GNPTAB: variants seen among roughly 807,000 people sequenced by gnomAD.
GNPTAB encodes the protein N-acetylglucosamine-1-phosphate transferase subunits alpha and beta, also known as N-acetylglucosamine-1-phosphotransferase subunits alpha/beta.
GNPTAB carries 92 observed loss-of-function variants against 136.6 expected under a neutral mutation model. The observed-to-expected ratio is 0.67, with a 90% confidence interval of 0.57 to 0.80. The LOEUF is 0.80. GNPTAB is among the 30% of genes least tolerant of loss of function. GNPTAB has a pLI of 0.00. For synonymous variants in GNPTAB, 512 were observed against 535.1 expected, an observed-to-expected ratio of 0.96 and a Z score of 0.60; for missense variants, 1,343 against 1,501.8, an observed-to-expected ratio of 0.89 and a Z score of 1.75.
At chr12:101,802,283 A>G (rs1869686689) in intron 1 of GNPTAB, among the ~76,000 whole-genome samples, 1 of 152,098 alleles carries the variant, frequency 6.6e-6, no homozygotes, top group African/African-American at 2.4e-5. Context: ...CTTATTGACA[A>G]TTCCTCTAGA....
chr12:101,766,220 A>G lies in GNPTAB; in HGVS notation c.1483T>C (p.Phe495Leu). 6.2e-7 allele frequency: 1 copy of G among 1,613,902 alleles called. No homozygotes were observed. The highest frequency in any genetic ancestry group is 8.5e-7 in the Non-Finnish European group (1 of 1,179,894). The change falls in exon 12 of 21, where the codon TTT becomes CTT. Residue 495 changes from phenylalanine to leucine, a missense_variant. Physicochemically the swap from Phe to Leu is conservative, Grantham distance 22. Transcript: ENST00000299314. Reference sequence around the variant, plus strand: ...GAGACACTGTTTATTCCTCCACCAAACTGCCAGGGCTGTCCAACTCCAATA... The same window carrying G: ...GAGACACTGTTTATTCCTCCACCAAGCTGCCAGGGCTGTCCAACTCCAATA... ...GSIGVGQPWQ[F>L]GGGINSVSYC...
intron 4 of GNPTAB, among the ~76,000 whole-genome samples, chr12:101,788,255 G>A (rs1195342263): frequency 1.3e-5 from 2 of 152,188 alleles, no homozygotes; most frequent in Admixed American, 1.3e-4. Context: ...AAGATACAGT[G>A]TAAGTGGACC....
At position 101,762,362 on chromosome 12, in the gene GNPTAB, T is replaced by G. The variant is rs1184496697; in HGVS notation, c.2716-599A>C. ...ATGTAAGGAGACTGATATTAACTGG[T>G]GTTGGTTAGACTGCAGTGAAACAAG... On this transcript the variant is annotated intron_variant, in intron 13 of 20. Transcript: ENST00000299314. Among the ~76,000 whole-genome samples, 3 of 152,226 alleles carry G rather than the reference T, an allele frequency of 2.0e-5. No individual in the cohort carries two copies. The East Asian group carries it at 5.8e-4, about 29-fold the overall frequency.
At chr12:101,825,970 C>T (rs926008764) in intron 1 of GNPTAB, among the ~76,000 whole-genome samples, 2 of 152,182 alleles carry the variant, frequency 1.3e-5, no homozygotes, top group African/African-American at 4.8e-5. Flanking sequence ...TCAGGCCAGG[C>T]CTCTTTCTAA....
chr12:101,765,318 C>G lies in GNPTAB; in HGVS notation c.1613-14G>C, dbSNP rs1953073872. 6.4e-7 allele frequency: 1 copy of G among 1,555,794 alleles called. No individual in the cohort carries two copies. Among genetic ancestry groups the G allele is most frequent in the Non-Finnish European group, 8.9e-7 (1 of 1,127,870 alleles). ...CATGAAAATGATCTAGAGGAAAAAA[C>G]AGAAACATGATTTTTTTTTTAACTG... On this transcript the variant is annotated splice_polypyrimidine_tract_variant and intron_variant, in intron 12 of 20. Transcript: ENST00000299314.
intron 13 of GNPTAB, among the ~76,000 whole-genome samples, chr12:101,762,173 T>G (rs1953007604): frequency 6.6e-6 from 1 of 152,240 alleles, no homozygotes; most frequent in South Asian, 2.1e-4. Flanking sequence ...GTCCTTGAGT[T>G]TTAAGCGCAA....
chr12:101,816,816 T>C (rs998251124), intron 1 of GNPTAB, among the ~76,000 whole-genome samples: 1 of 152,182 alleles, frequency 6.6e-6, no homozygotes, highest in African/African-American at 2.4e-5. Context: ...AATGGATGAA[T>C]GGATAAAGAA....
chr12:101,785,360 G>A (rs1045358126), intron 5 of GNPTAB, among the ~76,000 whole-genome samples: 3 of 152,302 alleles, frequency 2.0e-5, no homozygotes, highest in Admixed American at 6.5e-5. Flanking sequence ...ATACCACCAT[G>A]TCCAGCTGTG....
rs768421178 is a variant in GNPTAB at position 101,772,796 on chromosome 12, C to T, written c.772-1639G>A. Reference sequence around the variant, plus strand: ...TCCCTGGAGAGAAAAAGTCACTATTCTAGAACAATTTATTTACTTATTTTT... The same window carrying T: ...TCCCTGGAGAGAAAAAGTCACTATTTTAGAACAATTTATTTACTTATTTTT... On this transcript the variant is annotated intron_variant, in intron 7 of 20. Transcript: ENST00000299314. Among the ~76,000 whole-genome samples, 7 of 152,194 alleles carry T rather than the reference C, an allele frequency of 4.6e-5. No homozygotes were observed. The East Asian group carries it at 9.6e-4, about 21-fold the overall frequency.
Position 101,764,255 on chromosome 12 carries a change from A to T in GNPTAB, c.2662T>A (p.Tyr888Asn). The change falls in exon 13 of 21, where the codon TAC becomes AAC. Residue 888 changes from tyrosine to asparagine, a missense_variant. Transcript: ENST00000299314. Reference protein sequence around the residue: ...GRKLQHYTDSYLGFLPWEKKK... With the variant: ...GRKLQHYTDSNLGFLPWEKKK... ...TTCTCCCATGGCAAAAAGCCCAAGTAACTATCTGTGTAATGCTGCAGCTTT... is the reference window on the plus strand; with the variant it reads ...TTCTCCCATGGCAAAAAGCCCAAGTTACTATCTGTGTAATGCTGCAGCTTT... The T allele has an allele frequency of 6.2e-7, 1 of 1,614,126 alleles. No homozygotes were observed. The highest frequency in any genetic ancestry group is 8.5e-7 in the Non-Finnish European group (1 of 1,179,984).
rs1268317644 is a variant in GNPTAB at position 101,761,646 on chromosome 12, T to C, written c.2833A>G (p.Lys945Glu). The C allele has an allele frequency of 2.5e-6, 4 of 1,614,030 alleles. No homozygotes were observed. The highest frequency in any genetic ancestry group is 2.7e-5 in the African/African-American group (2 of 74,942). Residue 945 changes from lysine to glutamate, a missense_variant, in exon 14 of 21, where the codon AAG (lysine) becomes GAG (glutamate). By Grantham distance (56) the Lys-to-Glu change is moderately conservative. Coordinates refer to ENST00000299314, the MANE Select transcript of GNPTAB (RefSeq NM_024312.5). ...ACTTTCCGCGATGTGAATCCAAACTTGCTATTTAGAATTTTATTTACATAT... is the reference window on the plus strand; with the variant it reads ...ACTTTCCGCGATGTGAATCCAAACTCGCTATTTAGAATTTTATTTACATAT... The part of the protein sequence containing the change: ...LRYVNKILNS[K>E]FGFTSRKVPA...
chr12:101,812,510 CTT>C (rs1183626337), intron 1 of GNPTAB, among the ~76,000 whole-genome samples: 1 of 152,150 alleles, frequency 6.6e-6, no homozygotes, highest in African/African-American at 2.4e-5. Context: ...AATCCCAGCA[CTT>C]TCGGAAGCTG....
intron 1 of GNPTAB, among the ~76,000 whole-genome samples, chr12:101,824,114 G>A (rs1163602740): frequency 1.3e-5 from 2 of 152,102 alleles, no homozygotes; most frequent in Non-Finnish European, 2.9e-5. Flanking sequence ...TATTTCTGGA[G>A]ACGATCCCAG....
rs1952850711 is a variant in GNPTAB at position 101,753,380 on chromosome 12, C to G, written c.3594G>C (p.Leu1198=). The G allele has an allele frequency of 6.2e-7, 1 of 1,613,324 alleles. No homozygotes were observed. Among genetic ancestry groups the G allele is most frequent in the South Asian group, 1.1e-5 (1 of 91,068 alleles). ...YRNRFLHMHE[L]QEWRAYRDKL... is the part of the protein sequence containing the mutation. ...AAAACATGAGAATTTACCATTCCTG[C>G]AGCTCATGCATATGAAGGAAACGGT... is the stretch of plus-strand genomic sequence containing the variant. Residue 1198 remains leucine, a synonymous_variant, in exon 19 of 21, where the codon CTG becomes CTC. Coordinates refer to ENST00000299314, the MANE Select transcript of GNPTAB (RefSeq NM_024312.5).
chr12:101,820,887 T>A (rs1456602411), intron 1 of GNPTAB, among the ~76,000 whole-genome samples: 2 of 151,746 alleles, frequency 1.3e-5, no homozygotes, highest in African/African-American at 4.8e-5. Context: ...TGAAACCCCA[T>A]CTCTATTAAA....
intron 1 of GNPTAB, among the ~76,000 whole-genome samples, chr12:101,806,363 A>G (rs1354425317): frequency 6.6e-6 from 1 of 152,226 alleles, no homozygotes; most frequent in African/African-American, 2.4e-5. Context: ...GAACAGGCAA[A>G]TCCATAGAAA....
At chr12:101,789,849 T>A in intron 3 of GNPTAB, 89 bp downstream of exon 3, 1 of 1,269,802 alleles carries the variant, frequency 7.9e-7, no homozygotes, top group Non-Finnish European at 1.1e-6. Flanking sequence ...ATGACTGGGT[T>A]TTCATGCTCA....
rs140677722 is a variant in GNPTAB at position 101,828,871 on chromosome 12, T to C, written c.117+1688A>G. 3.3e-5 allele frequency among the ~76,000 whole-genome samples: 5 copies of C among 152,362 alleles called. No homozygotes were observed. The East Asian group carries it at 9.6e-4, about 29-fold the overall frequency. On this transcript the variant is annotated intron_variant, in intron 1 of 20. Coordinates refer to ENST00000299314, the MANE Select transcript of GNPTAB (RefSeq NM_024312.5). ...TGTGAGGATTAAATCAGTTAACATATGTAAAGCAATTAAGAGAGTGCCTGA... is the reference window on the plus strand; with the variant it reads ...TGTGAGGATTAAATCAGTTAACATACGTAAAGCAATTAAGAGAGTGCCTGA...
chr12:101,825,864 C>T (rs532142802), intron 1 of GNPTAB, among the ~76,000 whole-genome samples: 1 of 152,302 alleles, frequency 6.6e-6, no homozygotes, highest in African/African-American at 2.4e-5. Flanking sequence ...AGGGGCTACT[C>T]CCAACCCACA....
Sources: allele counts gnomAD v4.1 joint callset (sites outside exome capture counted in the v4.1 genomes callset), GRCh38; gene constraint gnomAD v4.1.1; transcripts MANE v1.5; gene names NCBI Gene and HGNC (gene_info 2026-07-23, HGNC 2026-07-21).